Variants in AUTS2 observed in about 807,000 individuals in gnomAD.
The protein encoded by AUTS2 is activator of transcription and developmental regulator AUTS2, also known as autism susceptibility gene 2 protein.
A neutral mutation model predicts 112.4 loss-of-function variants in AUTS2; 17 were observed. The ratio of observed to expected loss-of-function variants is 0.15; its 90% CI spans 0.10 to 0.23. The LOEUF (loss-of-function observed/expected upper bound fraction) is 0.23. AUTS2 is among the 10% of genes least tolerant of loss of function. The probability of loss-of-function intolerance (pLI) is 1.00; values close to 1 mark genes in which losing one functional copy is unlikely to be tolerated. For synonymous variants in AUTS2, 751 were observed against 702.7 expected (o/e 1.07, Z -1.09); for missense variants, 1,510 against 1,701.6 (o/e 0.89, Z 1.98).
intron 1 of AUTS2, among the ~76,000 whole-genome samples, chr7:69,834,277 T>C (rs574815407): frequency 1.3e-5 from 2 of 152,324 alleles, no homozygotes; most frequent in South Asian, 4.1e-4. Context: ...AGGGTTCAAA[T>C]TATTTTACAA....
At chr7:70,464,783 C>G (rs1797107598) in intron 5 of AUTS2, among the ~76,000 whole-genome samples, 1 of 152,122 alleles carries the variant, frequency 6.6e-6, no homozygotes, top group African/African-American at 2.4e-5. Flanking sequence ...TGAGGTAGGT[C>G]TAGGTTAATA....
chr7:70,580,452 G>A (rs903908533), intron 5 of AUTS2, among the ~76,000 whole-genome samples: 1 of 152,142 alleles, frequency 6.6e-6, no homozygotes, highest in African/African-American at 2.4e-5. Context: ...GTCAGAAAGA[G>A]GGCAGTCTCT....
At position 69,684,606 on chromosome 7, in the gene AUTS2, T is replaced by C. The variant is rs182951023; in HGVS notation, c.309+84644T>C. Reference sequence around the variant, plus strand: ...CAGTATTCCCAGACCAGTGATGAATTTACATGAAGTTCCTTTTCAGCATGT... The same window carrying C: ...CAGTATTCCCAGACCAGTGATGAATCTACATGAAGTTCCTTTTCAGCATGT... On this transcript the variant is annotated intron_variant, in intron 1 of 18. Coordinates refer to ENST00000342771, the MANE Select transcript of AUTS2 (RefSeq NM_015570.4). 1.4e-4 allele frequency among the ~76,000 whole-genome samples: 21 copies of C among 152,306 alleles called. No individual in the cohort carries two copies. The East Asian group carries it at 2.9e-3, about 21-fold the overall frequency.
At chr7:69,640,395 C>A (rs1794751958) in intron 1 of AUTS2, among the ~76,000 whole-genome samples, 1 of 152,176 alleles carries the variant, frequency 6.6e-6, no homozygotes. Context: ...GTGCACAGTT[C>A]AGTAAACATT....
intron 4 of AUTS2, among the ~76,000 whole-genome samples, chr7:70,235,118 A>T (rs1210848311): frequency 6.6e-6 from 1 of 152,170 alleles, no homozygotes; most frequent in African/African-American, 2.4e-5. Context: ...ATGTGTTGAC[A>T]TATGAAGCTA....
At position 70,427,037 on chromosome 7, in the gene AUTS2, A is replaced by C. The variant is rs184338384; in HGVS notation, c.661-8715A>C. 4.6e-5 allele frequency among the ~76,000 whole-genome samples: 7 copies of C among 151,922 alleles called. No individual in the cohort carries two copies. The East Asian group carries it at 1.4e-3, about 29-fold the overall frequency. ...AAAGCACCAAGAAACTATATATGGG[A>C]AGGGAAAATCGCCCCATTACAGAGG... On this transcript the variant is annotated intron_variant, in intron 4 of 18. Transcript: ENST00000342771.
At chr7:69,834,951 T>C (rs1791657213) in intron 1 of AUTS2, among the ~76,000 whole-genome samples, 1 of 152,016 alleles carries the variant, frequency 6.6e-6, no homozygotes, top group Admixed American at 6.6e-5. Flanking sequence ...ATTCATGCCT[T>C]TCCTCCGTTT....
At chr7:70,084,147 A>AT in intron 2 of AUTS2, among the ~76,000 whole-genome samples, 1 of 152,202 alleles carries the variant, frequency 6.6e-6, no homozygotes, top group Admixed American at 6.5e-5. Context: ...TTTTTCTAGA[A>AT]TTGCATATAA....
At chr7:70,101,562 G>A (rs1048633664) in intron 2 of AUTS2, among the ~76,000 whole-genome samples, 10 of 152,100 alleles carry the variant, frequency 6.6e-5, no homozygotes, top group African/African-American at 2.4e-4. Context: ...GGGCATGGTG[G>A]TGCATGCTTG....
intron 2 of AUTS2, among the ~76,000 whole-genome samples, chr7:70,074,027 G>A (rs570807928): frequency 1.3e-5 from 2 of 152,294 alleles, no homozygotes; most frequent in South Asian, 2.1e-4. Flanking sequence ...TCTGTCTCAT[G>A]TTGCTTCCAC....
intron 4 of AUTS2, among the ~76,000 whole-genome samples, chr7:70,209,581 A>G (rs1472852498): frequency 6.6e-6 from 1 of 152,150 alleles, no homozygotes; most frequent in Non-Finnish European, 1.5e-5. Context: ...CCTGATAAGG[A>G]AGAAGACCCA....
chr7:69,709,073 C>T (rs187459951), intron 1 of AUTS2, among the ~76,000 whole-genome samples: 1 of 152,270 alleles, frequency 6.6e-6, no homozygotes, highest in East Asian at 1.9e-4. Context: ...GAATATGTCA[C>T]AAAGCCCCAT....
intron 5 of AUTS2, among the ~76,000 whole-genome samples, chr7:70,645,299 G>A (rs1417147109): frequency 1.4e-5 from 2 of 144,648 alleles, no homozygotes; most frequent in Non-Finnish European, 1.5e-5. Flanking sequence ...AGAGTCCCTG[G>A]ATCTCCCCAG....
Position 70,381,856 on chromosome 7 carries a change from G to A in AUTS2, c.661-53896G>A, listed in dbSNP as rs150189023. ...ACCTTTATTTTTATATTGCACTCCCGTTGATCCTTTAATTTCAAAGTTGTT... is the reference window on the plus strand; with the variant it reads ...ACCTTTATTTTTATATTGCACTCCCATTGATCCTTTAATTTCAAAGTTGTT... On this transcript the variant is annotated intron_variant, in intron 4 of 18. Transcript: ENST00000342771. Among the ~76,000 whole-genome samples, 418 of 152,068 alleles carry A rather than the reference G, an allele frequency of 2.7e-3. 1 individual carries two copies. Among genetic ancestry groups the A allele is most frequent in the African/African-American group, 9.1e-3 (376 of 41,470 alleles).
intron 6 of AUTS2, among the ~76,000 whole-genome samples, chr7:70,760,340 T>C (rs1789493874): frequency 6.6e-6 from 1 of 152,250 alleles, no homozygotes; most frequent in Non-Finnish European, 1.5e-5. Context: ...TCTGCCATTG[T>C]ACCAAGCATA....
chr7:70,186,640 G>GC (rs1247535872), intron 4 of AUTS2, among the ~76,000 whole-genome samples: 6 of 152,174 alleles, frequency 3.9e-5, no homozygotes, highest in Non-Finnish European at 5.9e-5. Flanking sequence ...CGTGATGTCA[G>GC]CTCACTGCAA....
chr7:70,102,555 G>GTA (rs1354011036), intron 2 of AUTS2, among the ~76,000 whole-genome samples: 3 of 151,750 alleles, frequency 2.0e-5, no homozygotes, highest in Admixed American at 6.6e-5. Context: ...ACACACGTAC[G>GTA]TATATGTATT....
rs145617036 is a variant in AUTS2 at position 70,151,112 on chromosome 7, A to G, written c.660+16541A>G. Among the ~76,000 whole-genome samples the G allele has an allele frequency of 5.4e-3, 823 of 152,326 alleles. 14 individuals carry two copies. The highest frequency in any genetic ancestry group is 0.018 in the African/African-American group (769 of 41,572). ...CTTTCTGCATTAGGAGAAGATACTG[A>G]GAGTCCAGGAAGAACAAGGTAGCAA... On this transcript the variant is annotated intron_variant, in intron 4 of 18. Transcript: ENST00000342771.
intron 3 of AUTS2, among the ~76,000 whole-genome samples, chr7:70,121,732 G>A (rs1805691724): frequency 6.6e-6 from 1 of 152,162 alleles, no homozygotes; most frequent in African/African-American, 2.4e-5. Context: ...TTACTGGTGG[G>A]AATGTAAAAT....
Sources: gnomAD v4.1 joint callset for allele counts (sites outside exome capture counted in the v4.1 genomes callset) on GRCh38, gnomAD v4.1.1 for gene constraint, MANE v1.5 for transcripts, NCBI Gene and HGNC (gene_info 2026-07-23, HGNC 2026-07-21) for gene names.